Variants in LRRC72 observed in about 807,000 individuals in gnomAD.
LRRC72 encodes leucine-rich repeat-containing protein 72.
A neutral mutation model predicts 35.8 loss-of-function variants in LRRC72; 41 were observed. The ratio of observed to expected loss-of-function variants is 1.15; its 90% CI spans 0.89 to 1.49. The LOEUF (loss-of-function observed/expected upper bound fraction) is 1.49. LRRC72 is among the 40% of genes most tolerant of loss of function. LRRC72 has a pLI of 0.00. For missense variants in LRRC72, 389 were observed against 330.7 expected, an observed-to-expected ratio of 1.18 and a Z score of -1.37; for synonymous variants, 118 against 119.2, an observed-to-expected ratio of 0.99 and a Z score of 0.07.
intron 8 of LRRC72, 118 bp from the exon 9 acceptor site, chr7:16,581,206 C>T (rs997266941): frequency 1.2e-6 from 1 of 855,790 alleles, no homozygotes; most frequent in African/African-American, 1.7e-5. Flanking sequence ...GTTAGTGGTA[C>T]TATACTACAA....
At chr7:16,565,864 G>C (rs1390479263) in intron 5 of LRRC72, among the ~76,000 whole-genome samples, 1 of 152,196 alleles carries the variant, frequency 6.6e-6, no homozygotes. Context: ...TATTAGAGCC[G>C]GGTGTTGTGT....
intron 7 of LRRC72, among the ~76,000 whole-genome samples, chr7:16,570,246 T>C (rs556225546): frequency 6.6e-6 from 1 of 152,182 alleles, no homozygotes; most frequent in Non-Finnish European, 1.5e-5. Context: ...ATGTAGGTTA[T>C]GACAAACATG....
intron 7 of LRRC72, among the ~76,000 whole-genome samples, chr7:16,571,363 A>T (rs966815893): frequency 3.9e-5 from 6 of 152,084 alleles, no homozygotes; most frequent in Non-Finnish European, 8.8e-5. Context: ...ATCAACACAG[A>T]TATTAAGTCT....
chr7:16,551,843 G>T (rs1031501878), intron 3 of LRRC72, among the ~76,000 whole-genome samples: 11 of 152,174 alleles, frequency 7.2e-5, no homozygotes, highest in Non-Finnish European at 8.8e-5. Context: ...GTCCAAGGAG[G>T]GGGTAATGGG....
At chr7:16,540,426 C>G (rs1279442071) in intron 3 of LRRC72, among the ~76,000 whole-genome samples, 1 of 152,108 alleles carries the variant, frequency 6.6e-6, no homozygotes, top group Admixed American at 6.5e-5. Flanking sequence ...AAGGGACTAG[C>G]CTTGTCTCAA....
rs1284620451 is a variant in LRRC72 at position 16,567,530 on chromosome 7, G to T, written c.657G>T (p.Gln219His). 1 of 1,376,024 alleles carries T rather than the reference G, an allele frequency of 7.3e-7. No homozygotes were observed. The highest frequency in any genetic ancestry group is 1.6e-5 in the African/African-American group (1 of 63,350). 85.2% of individuals were successfully genotyped at this position (1,376,024 alleles called of 1,614,324 possible). A position where few individuals can be genotyped will look rare whatever the true frequency, so the allele number is the denominator to read the frequency against. ...CACCATTTAAGCAAAAACCAGCCCAGAGAGTACCTTCAGGTATTTCGTAAA... is the reference window on the plus strand; with the variant it reads ...CACCATTTAAGCAAAAACCAGCCCATAGAGTACCTTCAGGTATTTCGTAAA... The part of the protein sequence containing the change: ...PKSPFKQKPA[Q>H]RVPSDFAFAN... Residue 219 changes from glutamine (Q) to histidine (H), a missense_variant, in exon 7 of 9, where the codon CAG (glutamine) becomes CAT (histidine). Transcript: ENST00000401542.
At chr7:16,536,633 A>T (rs1272162993) in intron 2 of LRRC72, among the ~76,000 whole-genome samples, 1 of 151,188 alleles carries the variant, frequency 6.6e-6, no homozygotes, top group Admixed American at 6.7e-5. Context: ...ACATTTTTCA[A>T]TATAAAAAGT....
rs1240701282 is a variant in LRRC72 at position 16,537,608 on chromosome 7, A to T, written c.165-19A>T. 8.0e-7 allele frequency: 1 copy of T among 1,242,316 alleles called. No homozygotes were observed. Among genetic ancestry groups the T allele is most frequent in the Non-Finnish European group, 1.1e-6 (1 of 917,674 alleles). The allele number at this position is 1,242,316 out of a possible 1,614,324, so 77.0% of individuals were successfully genotyped here. ...TGAACTAATTGTTGCTAATGTTCAC[A>T]TTTTTTTTTTCTTTCCAGGGAACTG... On this transcript the variant is annotated intron_variant, in intron 2 of 8. Transcript: ENST00000401542.
chr7:16,536,521 A>C (rs1473207300), intron 2 of LRRC72, among the ~76,000 whole-genome samples: 2 of 152,020 alleles, frequency 1.3e-5, no homozygotes, highest in Non-Finnish European at 2.9e-5. Context: ...TCAACCAATA[A>C]ATATATAAAT....
chr7:16,572,614 A>G (rs764429195), intron 7 of LRRC72, among the ~76,000 whole-genome samples: 4 of 152,230 alleles, frequency 2.6e-5, no homozygotes, highest in Admixed American at 6.5e-5. Flanking sequence ...CCTTCATGCT[A>G]AAAATCCTCA....
At chr7:16,544,740 C>G (rs1426399227) in intron 3 of LRRC72, among the ~76,000 whole-genome samples, 1 of 152,160 alleles carries the variant, frequency 6.6e-6, no homozygotes, top group Non-Finnish European at 1.5e-5. Context: ...ATTGGTGCCA[C>G]AATGTTAATA....
At chr7:16,553,110 T>G (rs1782584935) in intron 3 of LRRC72, among the ~76,000 whole-genome samples, 1 of 152,248 alleles carries the variant, frequency 6.6e-6, no homozygotes, top group South Asian at 2.1e-4. Context: ...AATTTTTGGA[T>G]GCATTTTAGA....
At position 16,581,336 on chromosome 7, in the gene LRRC72, T is replaced by C; in HGVS notation, c.711T>C (p.Asp237=). 2 of 1,512,680 alleles carry C rather than the reference T, an allele frequency of 1.3e-6. No individual in the cohort carries two copies. The highest frequency in any genetic ancestry group is 8.9e-7 in the Non-Finnish European group (1 of 1,128,468). The allele number at this position is 1,512,680 out of a possible 1,614,324, so 93.7% of individuals were successfully genotyped here. A position where few individuals can be genotyped will look rare whatever the true frequency, so the allele number is the denominator to read the frequency against. The change falls in exon 9 of 9, where the codon GAT becomes GAC. Residue 237 remains aspartate, a synonymous_variant. Transcript: ENST00000401542. The part of the protein sequence containing the change: ...FANNVDKTVL[D]DPEDAVFVRS... ...TTTTTTTTTGCAGAACTGTGCTTGATGACCCAGAAGATGCTGTTTTTGTGA... is the reference window on the plus strand; with the variant it reads ...TTTTTTTTTGCAGAACTGTGCTTGACGACCCAGAAGATGCTGTTTTTGTGA...
intron 5 of LRRC72, among the ~76,000 whole-genome samples, chr7:16,562,062 T>A (rs1782752443): frequency 1.3e-5 from 2 of 152,224 alleles, no homozygotes; most frequent in African/African-American, 4.8e-5. Flanking sequence ...TTGGCATTTA[T>A]GAGGAGAATT....
chr7:16,547,590 A>G (rs1336248707), intron 3 of LRRC72, among the ~76,000 whole-genome samples: 1 of 152,132 alleles, frequency 6.6e-6, no homozygotes, highest in Non-Finnish European at 1.5e-5. Context: ...GCCTCCTCCT[A>G]CTGTCTGGCT....
Position 16,567,515 on chromosome 7 carries a change from G to C in LRRC72, c.642G>C (p.Lys214Asn), listed in dbSNP as rs1390850704. The C allele has an allele frequency of 3.0e-5, 42 of 1,403,640 alleles. No individual in the cohort carries two copies. The highest frequency in any genetic ancestry group is 3.9e-5 in the Non-Finnish European group (42 of 1,070,262). The allele number at this position is 1,403,640 out of a possible 1,614,324, so 86.9% of individuals were successfully genotyped here. The change falls in exon 7 of 9, where the codon AAG becomes AAC. Residue 214 changes from lysine to asparagine, a missense_variant. Lys to Asn is a moderately conservative substitution (Grantham distance 94, BLOSUM62 0). Transcript: ENST00000401542. ...CATGGGATCCTAAATCACCATTTAA[G>C]CAAAAACCAGCCCAGAGAGTACCTT... ...DASWDPKSPF[K>N]QKPAQRVPSD...
At chr7:16,558,839 A>C in intron 4 of LRRC72, 50 bp from the exon 5 acceptor site, 2 of 1,172,852 alleles carry the variant, frequency 1.7e-6, no homozygotes, top group Non-Finnish European at 2.3e-6. Flanking sequence ...ATAAAAAAAT[A>C]AACTGAAAAA....
intron 5 of LRRC72, among the ~76,000 whole-genome samples, chr7:16,563,583 A>G (rs1248812293): frequency 6.6e-6 from 1 of 152,226 alleles, no homozygotes; most frequent in Admixed American, 6.5e-5. Flanking sequence ...CTTTCAGAAC[A>G]TTCAGAAACA....
intron 2 of LRRC72, among the ~76,000 whole-genome samples, chr7:16,535,837 A>T (rs1263863861): frequency 6.6e-6 from 1 of 152,210 alleles, no homozygotes; most frequent in Non-Finnish European, 1.5e-5. Context: ...CCAGACAATT[A>T]TCCTGGACTC....
Sources: gnomAD v4.1 joint callset for allele counts (sites outside exome capture counted in the v4.1 genomes callset) on GRCh38, gnomAD v4.1.1 for gene constraint, MANE v1.5 for transcripts, NCBI Gene and HGNC (gene_info 2026-07-23, HGNC 2026-07-21) for gene names.